SVOP: variants seen among roughly 807,000 people sequenced by gnomAD.
The protein encoded by SVOP is SV2 related protein.
A neutral mutation model predicts 69.1 loss-of-function variants in SVOP; 17 were observed. The ratio of observed to expected loss-of-function variants is 0.25; its 90% CI spans 0.17 to 0.37. The LOEUF is 0.37. SVOP is among the 10% of genes least tolerant of loss of function. The pLI is 1.00. For synonymous variants in SVOP, 238 were observed against 238.6 expected (o/e 1.00, Z 0.02); for missense variants, 435 against 597.5 (o/e 0.73, Z 2.84).
At chr12:108,984,411 C>A (rs2040156823) in intron 1 of SVOP, among the ~76,000 whole-genome samples, 1 of 152,208 alleles carries the variant, frequency 6.6e-6, no homozygotes, top group Non-Finnish European at 1.5e-5. Flanking sequence ...AGCCCACATT[C>A]CTGCATTGGA....
At chr12:108,927,540 G>A (rs2039787751) in intron 11 of SVOP, among the ~76,000 whole-genome samples, 1 of 149,002 alleles carries the variant, frequency 6.7e-6, no homozygotes, top group Non-Finnish European at 1.5e-5. Flanking sequence ...TTTGTCTTTT[G>A]TAATTAGAAT....
chr12:108,970,968 T>TG (rs1442352754), intron 5 of SVOP, among the ~76,000 whole-genome samples: 1 of 152,116 alleles, frequency 6.6e-6, no homozygotes, highest in Admixed American at 6.6e-5. Flanking sequence ...CAGTTAGCTA[T>TG]GATTGCACCT....
Position 108,960,954 on chromosome 12 carries a change from C to A in SVOP, c.547G>T (p.Val183Leu), listed in dbSNP as rs1042803288. ...GGAACTCCTCCGATCCCGAAGCCCA[C>A]CAGGCCCCGGAGCACCAGGATCCAG... Reference protein sequence around the residue: ...YSWILVLRGLVGFGIGGVPQS... With the variant: ...YSWILVLRGLLGFGIGGVPQS... Residue 183 changes from valine (V) to leucine (L), a missense_variant, in exon 6 of 16, where the codon GTG (valine) becomes TTG (leucine). Coordinates refer to ENST00000610966, the MANE Select transcript of SVOP (RefSeq NM_018711.5). The A allele has an allele frequency of 6.5e-7, 1 of 1,536,984 alleles. No homozygotes were observed. The highest frequency in any genetic ancestry group is 8.7e-7 in the Non-Finnish European group (1 of 1,146,858).
chr12:108,996,271 G>T lies in SVOP; in HGVS notation c.36-12510C>A, dbSNP rs1328859870. 1.3e-5 allele frequency among the ~76,000 whole-genome samples: 2 copies of T among 152,220 alleles called. 1 individual carries two copies. The highest frequency in any genetic ancestry group is 4.1e-4 in the South Asian group (2 of 4,830). On this transcript the variant is annotated intron_variant, in intron 1 of 15. Transcript: ENST00000610966. ...CTCAATACTCAAAAACTTACGTGTGGTCCTGGCCAGATGCCGAGGCTCATG... is the reference window on the plus strand; with the variant it reads ...CTCAATACTCAAAAACTTACGTGTGTTCCTGGCCAGATGCCGAGGCTCATG...
chr12:108,972,484 G>C lies in SVOP; in HGVS notation c.382-8C>G, dbSNP rs576985266. 19 of 1,537,090 alleles carry C rather than the reference G, an allele frequency of 1.2e-5. No homozygotes were observed. Among genetic ancestry groups the C allele is most frequent in the Admixed American group, 3.9e-5 (2 of 50,972 alleles). On this transcript the variant is annotated splice_region_variant and splice_polypyrimidine_tract_variant and intron_variant, in intron 4 of 15. Coordinates refer to ENST00000610966, the MANE Select transcript of SVOP (RefSeq NM_018711.5). Reference sequence around the variant, plus strand: ...CATGCCTACAAAGACCACCTGTGGGGGGAAAGACAGTTGTCATTAGACAGA... The same window carrying C: ...CATGCCTACAAAGACCACCTGTGGGCGGAAAGACAGTTGTCATTAGACAGA...
chr12:109,012,789 C>T (rs527609998), intron 1 of SVOP, among the ~76,000 whole-genome samples: 3 of 152,038 alleles, frequency 2.0e-5, no homozygotes, highest in South Asian at 4.2e-4. Flanking sequence ...ATGAGCCAGG[C>T]GTGGTGTCAT....
At chr12:108,942,357 T>C (rs1478137537) in intron 7 of SVOP, among the ~76,000 whole-genome samples, 1 of 152,188 alleles carries the variant, frequency 6.6e-6, no homozygotes, top group Non-Finnish European at 1.5e-5. Context: ...CCATCTCCCT[T>C]GCCCAATGGT....
chr12:108,944,964 A>T (rs2039914106), intron 7 of SVOP, 139 bp downstream of exon 7: 4 of 712,482 alleles, frequency 5.6e-6, no homozygotes, highest in African/African-American at 1.8e-5. Context: ...GATGTAACTG[A>T]TCCTTTTACG....
At chr12:108,925,270 C>T (rs375463917) in intron 11 of SVOP, among the ~76,000 whole-genome samples, 12 of 152,182 alleles carry the variant, frequency 7.9e-5, no homozygotes, top group African/African-American at 2.7e-4. Flanking sequence ...TGCAAATAAA[C>T]GCCCTCCTTT....
intron 5 of SVOP, among the ~76,000 whole-genome samples, chr12:108,965,544 C>A (rs570966226): frequency 2.0e-5 from 3 of 152,104 alleles, no homozygotes; most frequent in Admixed American, 1.3e-4. Context: ...CCTGATTTTC[C>A]AAAAAACACA....
intron 1 of SVOP, among the ~76,000 whole-genome samples, chr12:108,999,025 T>G (rs1416798976): frequency 2.5e-4 from 35 of 139,588 alleles, no homozygotes; most frequent in Non-Finnish European, 7.8e-5. Context: ...GCAAATTGGA[T>G]AAAGAGTCAA....
At chr12:108,917,997 T>TC (rs1241605976) in intron 14 of SVOP, 46 bp downstream of exon 14, 2 of 1,453,468 alleles carry the variant, frequency 1.4e-6, no homozygotes, top group African/African-American at 1.4e-5. Flanking sequence ...ACAGCCACTC[T>TC]CCCCCCACTG....
In SVOP at chr12:108,912,204, G is replaced by A. The variant is rs1593173606; in HGVS notation, c.*331C>T. The A allele has an allele frequency of 4.2e-6, 5 of 1,187,598 alleles. No homozygotes were observed. In the East Asian group the frequency reaches 1.9e-4, roughly 45 times the overall value. 73.6% of individuals were successfully genotyped at this position (1,187,598 alleles called of 1,614,324 possible). On this transcript the variant is annotated 3_prime_UTR_variant, in exon 16 of 16. Coordinates refer to ENST00000610966, the MANE Select transcript of SVOP (RefSeq NM_018711.5). The stretch of plus-strand genomic sequence containing the variant: ...GAGAGATATTTTGGTTGTTCACTGA[G>A]GGTTTGGCCGGGTGACTCTGGGTGG...
intron 11 of SVOP, among the ~76,000 whole-genome samples, chr12:108,931,309 C>T (rs1035103358): frequency 6.6e-5 from 10 of 152,192 alleles, no homozygotes; most frequent in African/African-American, 9.7e-5. Context: ...ATTCTTTTAT[C>T]CTCTAACCTG....
At chr12:108,916,162 A>T (rs1336894328) in intron 14 of SVOP, among the ~76,000 whole-genome samples, 3 of 152,212 alleles carry the variant, frequency 2.0e-5, no homozygotes, top group East Asian at 3.9e-4. Context: ...ACAAGTTCAC[A>T]ACTCAGGGGT....
chr12:108,973,824 C>T (rs569285823), intron 4 of SVOP, among the ~76,000 whole-genome samples: 1 of 152,336 alleles, frequency 6.6e-6, no homozygotes, highest in South Asian at 2.1e-4. Context: ...AGCCACACCT[C>T]TCTAGGCCAG....
intron 5 of SVOP, among the ~76,000 whole-genome samples, chr12:108,970,632 C>A (rs1316395004): frequency 6.6e-6 from 1 of 152,146 alleles, no homozygotes; most frequent in Non-Finnish European, 1.5e-5. Flanking sequence ...AAAGTATGGT[C>A]CCAAGCATTG....
chr12:109,009,505 T>C (rs10849905), intron 1 of SVOP, among the ~76,000 whole-genome samples: 65,924 of 151,740 alleles, frequency 0.43, 17,385 homozygotes, highest in South Asian at 0.68. Flanking sequence ...GACTGCCTCC[T>C]GGATTCAAGC....
At chr12:108,980,160 A>T (rs2040128043) in intron 2 of SVOP, among the ~76,000 whole-genome samples, 1 of 151,588 alleles carries the variant, frequency 6.6e-6, no homozygotes, top group Non-Finnish European at 1.5e-5. Flanking sequence ...CCTGGGTGAC[A>T]GAGTAAGATT....
Sources: gnomAD v4.1 joint callset for allele counts (sites outside exome capture counted in the v4.1 genomes callset) on GRCh38, gnomAD v4.1.1 for gene constraint, MANE v1.5 for transcripts, NCBI Gene and HGNC (gene_info 2026-07-23, HGNC 2026-07-21) for gene names.